The following MUC7 variants were observed in gnomAD, a reference collection of about 807,000 sequenced individuals.
The protein encoded by MUC7 is mucin-7.
MUC7 carries 2 observed loss-of-function variants against 2.5 expected under a neutral mutation model. The ratio of observed to expected loss-of-function variants is 0.81; its 90% CI spans 0.33 to 2.55. MUC7 has a LOEUF of 2.55. Ranked by LOEUF, MUC7 falls within the 30% of genes most tolerant of loss-of-function variation. The pLI is 0.11. For synonymous variants in MUC7, 133 were observed against 173.4 expected (o/e 0.77, Z 1.83); for missense variants, 408 against 455.6 (o/e 0.90, Z 0.95).
chr4:70,454,291 G>A (rs1488354822), intron 1 of MUC7, among the ~76,000 whole-genome samples: 7 of 152,196 alleles, frequency 4.6e-5, no homozygotes, highest in African/African-American at 9.7e-5. Flanking sequence ...TTTAGCCAGC[G>A]ATGGCAAGGC....
chr4:70,461,484 G>GCCTCCCTAT (rs1316961945), intron 1 of MUC7, among the ~76,000 whole-genome samples: 5 of 152,108 alleles, frequency 3.3e-5, no homozygotes, highest in Non-Finnish European at 7.3e-5. Context: ...GGTATACTCT[G>GCCTCCCTAT]CCTCCCTATT....
chr4:70,474,104 C>T, intron 2 of MUC7, 29 bp downstream of exon 2: 1 of 1,595,992 alleles, frequency 6.3e-7, no homozygotes, highest in Non-Finnish European at 8.6e-7. Context: ...AAGTTTTTTC[C>T]TTAACTATCA....
intron 1 of MUC7, among the ~76,000 whole-genome samples, chr4:70,431,912 G>A (rs982139320): frequency 3.2e-4 from 49 of 151,532 alleles, no homozygotes; most frequent in East Asian, 1.2e-3. Flanking sequence ...CCCACCCCAC[G>A]ACAGGCCCCG....
intron 1 of MUC7, among the ~76,000 whole-genome samples, chr4:70,458,561 A>G (rs954446592): frequency 1.3e-5 from 2 of 152,130 alleles, no homozygotes; most frequent in African/African-American, 4.8e-5. Flanking sequence ...AATAATACCA[A>G]TAAGTTATAA....
intron 1 of MUC7, among the ~76,000 whole-genome samples, chr4:70,450,296 T>G (rs1235997486): frequency 6.6e-6 from 1 of 152,122 alleles, no homozygotes; most frequent in Non-Finnish European, 1.5e-5. Context: ...TTACTTCAGC[T>G]TGTCATGTAT....
intron 1 of MUC7, among the ~76,000 whole-genome samples, chr4:70,433,824 C>T (rs185750399): frequency 6.6e-6 from 1 of 152,280 alleles, no homozygotes; most frequent in African/African-American, 2.4e-5. Context: ...GGAATGCTTC[C>T]AGTTTTTGCC....
chr4:70,459,311 TCAGTA>T (rs1734492174), intron 1 of MUC7, among the ~76,000 whole-genome samples: 1 of 152,188 alleles, frequency 6.6e-6, no homozygotes, highest in Non-Finnish European at 1.5e-5. Context: ...AACATCATTC[TCAGTA>T]AACTATCACA....
Position 70,480,984 on chromosome 4 carries a change from C to A in MUC7, c.240C>A (p.Asn80Lys), listed in dbSNP as rs6826961. The change falls in exon 3 of 3, where the codon AAC (asparagine) becomes AAA (lysine). Residue 80 changes from asparagine (N) to lysine (K), a missense_variant. Around this residue, in one of 3 missense-constraint regions of MUC7, gnomAD observed 225 missense variants for 240.5 expected, o/e 0.94. Coordinates refer to ENST00000304887, the MANE Select transcript of MUC7 (RefSeq NM_152291.3). ...CTAAGCTTCCACCTTCACCTAATAA[C>A]CCCCCCAAATTCCCAAATCCTCACC... ...CRPKLPPSPN[N>K]PPKFPNPHQP... 1.2e-6 allele frequency: 2 copies of A among 1,612,986 alleles called. No homozygotes were observed. The highest frequency in any genetic ancestry group is 1.7e-6 in the Non-Finnish European group (2 of 1,179,458).
Position 70,481,656 on chromosome 4 carries a change from A to G in MUC7, c.912A>G (p.Thr304=). The change falls in exon 3 of 3, where the codon ACA becomes ACG. Residue 304 remains threonine, a synonymous_variant. Transcript: ENST00000304887. ...CTTCCCCAGCTCCACAAGAGACCAC[A>G]GCTGCCCCAATTACCACACCTAATT... ...PPSSPAPQET[T]AAPITTPNSS... is the part of the protein sequence containing the mutation. The G allele has an allele frequency of 6.2e-7, 1 of 1,614,114 alleles. No homozygotes were observed. Among genetic ancestry groups the G allele is most frequent in the South Asian group, 1.1e-5 (1 of 91,084 alleles).
Position 70,481,995 on chromosome 4 carries a change from C to T in MUC7, c.*117C>T, listed in dbSNP as rs1735213428. ...GAAATTATATTACTCAGATTTAAAGCACTATCATTAATCTTTCAATCTAAT... is the reference window on the plus strand; with the variant it reads ...GAAATTATATTACTCAGATTTAAAGTACTATCATTAATCTTTCAATCTAAT... On this transcript the variant is annotated 3_prime_UTR_variant, in exon 3 of 3. Transcript: ENST00000304887. 3 of 1,216,166 alleles carry T rather than the reference C, an allele frequency of 2.5e-6. No individual in the cohort carries two copies. The highest frequency in any genetic ancestry group is 1.5e-5 in the South Asian group (1 of 65,222). 75.3% of individuals were successfully genotyped at this position (1,216,166 alleles called of 1,614,324 possible).
At chr4:70,443,542 G>A (rs1343041973) in intron 1 of MUC7, among the ~76,000 whole-genome samples, 1 of 152,024 alleles carries the variant, frequency 6.6e-6, no homozygotes, top group South Asian at 2.1e-4. Context: ...TTTCATTTTC[G>A]ACTGGCAAAC....
At chr4:70,453,812 A>G (rs1426520701) in intron 1 of MUC7, among the ~76,000 whole-genome samples, 1 of 152,026 alleles carries the variant, frequency 6.6e-6, no homozygotes, top group African/African-American at 2.4e-5. Flanking sequence ...CTACCTTGGT[A>G]TTGCTGCTGG....
intron 1 of MUC7, among the ~76,000 whole-genome samples, chr4:70,451,608 A>G (rs181282414): frequency 6.6e-6 from 1 of 151,928 alleles, no homozygotes; most frequent in East Asian, 1.9e-4. Context: ...GTTTCATTCT[A>G]TTGTGGTCAG....
intron 1 of MUC7, among the ~76,000 whole-genome samples, chr4:70,433,728 C>T (rs1733744179): frequency 6.6e-6 from 1 of 152,148 alleles, no homozygotes; most frequent in Non-Finnish European, 1.5e-5. Flanking sequence ...CTTTCTCTTG[C>T]CTGATTGTCC....
At chr4:70,461,602 T>C (rs1331714795) in intron 1 of MUC7, among the ~76,000 whole-genome samples, 2 of 152,230 alleles carry the variant, frequency 1.3e-5, no homozygotes, top group East Asian at 3.9e-4. Context: ...CCTATTCCAA[T>C]ACAAAATGCT....
At chr4:70,452,037 T>G (rs913957429) in intron 1 of MUC7, among the ~76,000 whole-genome samples, 2 of 152,216 alleles carry the variant, frequency 1.3e-5, no homozygotes, top group African/African-American at 4.8e-5. Context: ...CTTCTCAAAT[T>G]TTTTGTCTGG....
chr4:70,446,804 G>A (rs1353225175), intron 1 of MUC7, among the ~76,000 whole-genome samples: 1 of 152,076 alleles, frequency 6.6e-6, no homozygotes, highest in African/African-American at 2.4e-5. Context: ...CTAATGTACA[G>A]GTAGAACAGA....
chr4:70,469,572 A>C (rs1050752255), upstream of MUC7, among the ~76,000 whole-genome samples: 3 of 152,206 alleles, frequency 2.0e-5, no homozygotes, highest in Non-Finnish European at 4.4e-5. Context: ...AAAAAAGCAA[A>C]CAACCCCATC....
chr4:70,438,974 A>G (rs1733934728), intron 1 of MUC7, among the ~76,000 whole-genome samples: 1 of 152,244 alleles, frequency 6.6e-6, no homozygotes, highest in Non-Finnish European at 1.5e-5. Flanking sequence ...AATACAGCAT[A>G]GAAAAGAAAG....
Sources: allele counts gnomAD v4.1 joint callset (sites outside exome capture counted in the v4.1 genomes callset), GRCh38; gene constraint gnomAD v4.1.1; regional missense constraint gnomAD v4.1.1; transcripts MANE v1.5; gene names NCBI Gene and HGNC (gene_info 2026-07-23, HGNC 2026-07-21).